LMAN2L: variants seen among roughly 807,000 people sequenced by gnomAD.
LMAN2L encodes lectin, mannose binding 2 like, also known as VIP36-like protein.
In LMAN2L, 30 loss-of-function variants were observed where a neutral mutation model predicts 44.3. That is an observed-to-expected ratio of 0.68 (90% CI 0.51 to 0.92). The LOEUF (loss-of-function observed/expected upper bound fraction) is 0.92. Ranked by LOEUF, LMAN2L falls within the 40% of genes least tolerant of loss-of-function variation. LMAN2L has a pLI of 0.00. For missense variants in LMAN2L, 429 were observed against 446.1 expected (o/e 0.96, Z 0.35); for synonymous variants, 183 against 171.1 (o/e 1.07, Z -0.54).
At chr2:96,728,580 C>T (rs561274546) in intron 4 of LMAN2L, among the ~76,000 whole-genome samples, 2 of 150,926 alleles carry the variant, frequency 1.3e-5, no homozygotes, top group East Asian at 2.0e-4. Context: ...CGGTGGTTCA[C>T]GCTTGTAATC....
chr2:96,734,053 T>C (rs1324035215), intron 3 of LMAN2L, among the ~76,000 whole-genome samples: 1 of 152,184 alleles, frequency 6.6e-6, no homozygotes, highest in South Asian at 2.1e-4. Context: ...AATAGATAAC[T>C]CTTCTCTTGA....
chr2:96,708,930 T>TC (rs2077848440), intron 6 of LMAN2L, among the ~76,000 whole-genome samples: 1 of 150,574 alleles, frequency 6.6e-6, no homozygotes, highest in Non-Finnish European at 1.5e-5. Context: ...TTTTTTTTTT[T>TC]TGAGACAGAG....
At chr2:96,712,146 C>A in intron 4 of LMAN2L, 121 bp from the exon 5 acceptor site, 1 of 950,374 alleles carries the variant, frequency 1.1e-6, no homozygotes, top group Non-Finnish European at 1.6e-6. Flanking sequence ...GGCAGCCACT[C>A]GACCTCATTG....
chr2:96,740,034 C>T lies in LMAN2L; in HGVS notation c.7G>A (p.Ala3Thr), dbSNP rs1411618880. The T allele has an allele frequency of 1.9e-6, 3 of 1,605,846 alleles. No homozygotes were observed. The highest frequency in any genetic ancestry group is 1.7e-5 in the Admixed American group (1 of 59,444). The change falls in exon 1 of 8, where the codon GCG (alanine) becomes ACG (threonine). Residue 3 changes from alanine to threonine, a missense_variant. Ala to Thr is a moderately conservative substitution (Grantham distance 58). Coordinates refer to ENST00000264963, the MANE Select transcript of LMAN2L (RefSeq NM_030805.4). MA[A>T]TLGPLGSWQQ... ...CACGACCCAAGGGGTCCCAGAGTCG[C>T]CGCCATCTTTCCCACCAACGACCCT...
intron 4 of LMAN2L, among the ~76,000 whole-genome samples, chr2:96,719,070 C>T (rs776402832): frequency 1.3e-5 from 2 of 152,170 alleles, no homozygotes; most frequent in Non-Finnish European, 1.5e-5. Context: ...AACCTACCCA[C>T]CCAGATTACA....
chr2:96,730,726 G>A (rs1176258903), intron 4 of LMAN2L, among the ~76,000 whole-genome samples: 3 of 151,938 alleles, frequency 2.0e-5, no homozygotes, highest in African/African-American at 7.3e-5. Flanking sequence ...AGGCTGGAGT[G>A]CAGTGGCGTG....
Position 96,707,401 on chromosome 2 carries a change from G to A in LMAN2L, c.905-3C>T, listed in dbSNP as rs768449045. 6.4e-5 allele frequency: 103 copies of A among 1,608,312 alleles called. No homozygotes were observed. The highest frequency in any genetic ancestry group is 8.6e-5 in the Non-Finnish European group (101 of 1,177,506). ...CAGGGGCGGCAGTGGAGCTGTCACT[G>A]AGGAAGCAAGAGAGAAGCAAGTCAG... On this transcript the variant is annotated splice_polypyrimidine_tract_variant and splice_region_variant and intron_variant, in intron 7 of 7. Coordinates refer to ENST00000264963, the MANE Select transcript of LMAN2L (RefSeq NM_030805.4).
At position 96,734,469 on chromosome 2, in the gene LMAN2L, T is replaced by C. The variant is rs2078472475; in HGVS notation, c.364A>G (p.Lys122Glu). ...QVHFKIHGQG[K>E]KNLHGDGLAI... ...AAGCCATCCCCATGCAGATTCTTCT[T>C]TCCTTGTCCATGGATTTTGAAGTGC... Residue 122 changes from lysine (K) to glutamate (E), a missense_variant, in exon 3 of 8, where the codon AAG becomes GAG. Lys to Glu is a moderately conservative substitution (Grantham distance 56). Transcript: ENST00000264963. 1 of 1,613,934 alleles carries C rather than the reference T, an allele frequency of 6.2e-7. No homozygotes were observed. Among genetic ancestry groups the C allele is most frequent in the Admixed American group, 1.7e-5 (1 of 59,998 alleles).
chr2:96,706,491 C>T lies in LMAN2L; in HGVS notation c.*765G>A, dbSNP rs888517087. On this transcript the variant is annotated 3_prime_UTR_variant, in exon 8 of 8. Coordinates refer to ENST00000264963, the MANE Select transcript of LMAN2L (RefSeq NM_030805.4). ...TCTTCCAGGCTTCTCTTGATTTTTA[C>T]ACCAACCTTTAGCCAAACTTCACTG... The T allele has an allele frequency of 6.6e-6, 1 of 152,218 alleles. No individual in the cohort carries two copies. The highest frequency in any genetic ancestry group is 2.4e-5 in the African/African-American group (1 of 41,440). 9.4% of individuals were successfully genotyped at this position (152,218 alleles called of 1,614,324 possible). A position where few individuals can be genotyped will look rare whatever the true frequency, so the allele number is the denominator to read the frequency against.
intron 1 of LMAN2L, among the ~76,000 whole-genome samples, chr2:96,739,052 C>T (rs907179300): frequency 5.9e-5 from 9 of 152,202 alleles, no homozygotes; most frequent in African/African-American, 1.9e-4. Context: ...CACATTCTTT[C>T]TTTAAACAAT....
chr2:96,723,929 A>C (rs2078213169), intron 4 of LMAN2L, among the ~76,000 whole-genome samples: 1 of 151,828 alleles, frequency 6.6e-6, no homozygotes, highest in Non-Finnish European at 1.5e-5. Flanking sequence ...TCTACTAAAA[A>C]CATATATATT....
chr2:96,714,221 G>A (rs1454259500), intron 4 of LMAN2L, among the ~76,000 whole-genome samples: 2 of 152,204 alleles, frequency 1.3e-5, no homozygotes. Context: ...AGTAATTAGA[G>A]GGAGTCCACC....
At chr2:96,739,006 GC>G (rs1328251214) in intron 1 of LMAN2L, among the ~76,000 whole-genome samples, 1 of 152,166 alleles carries the variant, frequency 6.6e-6, no homozygotes, top group Non-Finnish European at 1.5e-5. Context: ...CTCCCAAAGT[GC>G]GGAGATTACA....
At position 96,711,896 on chromosome 2, in the gene LMAN2L, G is replaced by A. The variant is rs545257322; in HGVS notation, c.637C>T (p.Leu213=). ...IVRNLHYDTF[L]VIRYVKRHLT... ...TGCCTCTTGACGTAGCGAATCACCA[G>A]GAAGGTGTCGTAATGAAGATTGCGG... Residue 213 remains leucine, a synonymous_variant, in exon 5 of 8, where the codon CTG becomes TTG. Transcript: ENST00000264963. The A allele has an allele frequency of 1.4e-5, 23 of 1,614,200 alleles. 1 individual carries two copies. The African/African-American group carries it at 1.5e-4, about 10-fold the overall frequency.
intron 6 of LMAN2L, 133 bp downstream of exon 6, chr2:96,711,523 A>C (rs2077915614): frequency 1.6e-6 from 1 of 627,268 alleles, no homozygotes; most frequent in Non-Finnish European, 2.9e-6. Context: ...AGAATGCAGA[A>C]GGAGAAGCAG....
chr2:96,736,620 A>G (rs1439662613), intron 2 of LMAN2L, among the ~76,000 whole-genome samples: 2 of 152,172 alleles, frequency 1.3e-5, no homozygotes, highest in East Asian at 3.8e-4. Flanking sequence ...TTCTATAACC[A>G]TTTTAACTTG....
chr2:96,711,676 G>T lies in LMAN2L; in HGVS notation c.764C>A (p.Ser255Tyr). ...LPRGYYFGTS[S>Y]ITGDLSDNHD... ...AGTACCTGAGAGATCCCCAGTGATG[G>T]AGGAGGTGCCGAAGTAGTAGCCGCG... The change falls in exon 6 of 8, where the codon TCC (serine) becomes TAC (tyrosine). Residue 255 changes from serine to tyrosine, a missense_variant. Ser to Tyr is a moderately radical substitution (Grantham distance 144). Coordinates refer to ENST00000264963, the MANE Select transcript of LMAN2L (RefSeq NM_030805.4). 1 of 1,613,398 alleles carries T rather than the reference G, an allele frequency of 6.2e-7. No individual in the cohort carries two copies. The highest frequency in any genetic ancestry group is 1.1e-5 in the South Asian group (1 of 91,058).
chr2:96,715,268 A>G (rs981874947), intron 4 of LMAN2L, among the ~76,000 whole-genome samples: 15 of 152,198 alleles, frequency 9.9e-5, no homozygotes, highest in African/African-American at 3.6e-4. Context: ...GCACCACAGA[A>G]GGCTGTGATG....
At position 96,734,353 on chromosome 2, in the gene LMAN2L, G is replaced by A. The variant is rs79128432; in HGVS notation, c.424+56C>T. On this transcript the variant is annotated intron_variant, in intron 3 of 7. Coordinates refer to ENST00000264963, the MANE Select transcript of LMAN2L (RefSeq NM_030805.4). ...GGGAAGGAACCTTTTCAAAAAGAGG[G>A]CACATGAAAAATCAGGCTGTCACAC... 1,557 of 1,038,124 alleles carry A rather than the reference G, an allele frequency of 1.5e-3. 21 individuals are homozygous for A. In the African/African-American group the frequency reaches 0.022, roughly 14 times the overall value. 64.3% of individuals were successfully genotyped at this position (1,038,124 alleles called of 1,614,324 possible). A position where few individuals can be genotyped will look rare whatever the true frequency, so the allele number is the denominator to read the frequency against.
Sources: gnomAD v4.1 joint callset for allele counts (sites outside exome capture counted in the v4.1 genomes callset) on GRCh38, gnomAD v4.1.1 for gene constraint, MANE v1.5 for transcripts, NCBI Gene and HGNC (gene_info 2026-07-23, HGNC 2026-07-21) for gene names.